FRK: variants seen among roughly 807,000 people sequenced by gnomAD.
The protein encoded by FRK is tyrosine-protein kinase FRK.
FRK carries 51 observed loss-of-function variants against 56.4 expected under a neutral mutation model. That is an observed-to-expected ratio of 0.90 (90% CI 0.72 to 1.14). The LOEUF (loss-of-function observed/expected upper bound fraction) is 1.14. Ranked by LOEUF, FRK falls within the 50% of genes most tolerant of loss-of-function variation. FRK has a pLI of 0.00. For missense variants in FRK, 570 were observed against 601.4 expected (o/e 0.95, Z 0.55); for synonymous variants, 245 against 217.9 (o/e 1.12, Z -1.10).
chr6:116,069,103 A>G, the FRK span, among the ~76,000 whole-genome samples: 21 of 152,326 alleles, frequency 1.4e-4, no homozygotes, highest in Non-Finnish European at 2.6e-4. Flanking sequence ...CAGATAATTC[A>G]TCAATCAAGA....
intron 2 of FRK, among the ~76,000 whole-genome samples, chr6:115,998,641 C>G (rs1247687061): frequency 6.6e-6 from 1 of 152,230 alleles, no homozygotes; most frequent in Non-Finnish European, 1.5e-5. Context: ...CCTCTCTTGT[C>G]TCACAACAAA....
Position 115,968,650 on chromosome 6 carries a change from G to C in FRK, c.556C>G (p.Leu186Val). 2 of 1,613,838 alleles carry C rather than the reference G, an allele frequency of 1.2e-6. No homozygotes were observed. The highest frequency in any genetic ancestry group is 1.7e-6 in the Non-Finnish European group (2 of 1,179,820). Residue 186 changes from leucine (L) to valine (V), a missense_variant, in exon 3 of 8, where the codon CTG becomes GTG. Leu to Val is a conservative substitution (Grantham distance 32). Coordinates refer to ENST00000606080, the MANE Select transcript of FRK (RefSeq NM_002031.3). ...FLTRRRIFSTLNEFVSHYTKT... is the reference protein window; with the variant it reads ...FLTRRRIFSTVNEFVSHYTKT... ...GTGTAGTGGCTCACAAATTCGTTCA[G>C]TGTTGAAAAGATTCTTCTTCGCGTG...
intron 1 of FRK, among the ~76,000 whole-genome samples, chr6:116,026,623 T>G (rs534320708): frequency 5.4e-4 from 80 of 146,940 alleles, no homozygotes; most frequent in Admixed American, 1.2e-3. Flanking sequence ...TTAGGTTTTG[T>G]TTTTTTTTTA....
chr6:115,943,743 C>A (rs978897492), intron 6 of FRK, among the ~76,000 whole-genome samples: 6 of 151,966 alleles, frequency 3.9e-5, no homozygotes, highest in Admixed American at 3.3e-4. Context: ...TTTTAGGGTA[C>A]AATGTGGAAA....
At chr6:116,040,830 T>C (rs933252080) in intron 1 of FRK, among the ~76,000 whole-genome samples, 1 of 152,162 alleles carries the variant, frequency 6.6e-6, no homozygotes, top group Non-Finnish European at 1.5e-5. Flanking sequence ...TTAATTATTA[T>C]GCTTTAGAAC....
intron 1 of FRK, among the ~76,000 whole-genome samples, chr6:116,058,189 C>G (rs1295084787): frequency 6.6e-6 from 1 of 152,180 alleles, no homozygotes; most frequent in East Asian, 1.9e-4. Flanking sequence ...TAATGCCATA[C>G]AGGACATAGA....
the FRK span, among the ~76,000 whole-genome samples, chr6:116,096,711 A>T: frequency 1.3e-5 from 2 of 152,244 alleles, no homozygotes; most frequent in Non-Finnish European, 2.9e-5. Flanking sequence ...AATCAGCAGG[A>T]CGTGTGCAGG....
At chr6:116,038,930 T>G in intron 1 of FRK, 1 of 642,498 alleles carries the variant, frequency 1.6e-6, no homozygotes, top group Non-Finnish European at 3.0e-6. Context: ...AGCCCAAGAT[T>G]GCTGTGGCTG....
chr6:115,944,144 G>T, intron 6 of FRK, 100 bp downstream of exon 6: 1 of 984,544 alleles, frequency 1.0e-6, no homozygotes, highest in Non-Finnish European at 1.5e-6. Context: ...ACAGAACTTG[G>T]AGAAACATTG....
intron 5 of FRK, among the ~76,000 whole-genome samples, chr6:115,948,923 C>T (rs1772583185): frequency 6.6e-6 from 1 of 152,166 alleles, no homozygotes; most frequent in Non-Finnish European, 1.5e-5. Context: ...TACCTAATCT[C>T]TACATACCTG....
chr6:115,977,149 T>C (rs1282916071), intron 2 of FRK, among the ~76,000 whole-genome samples: 1 of 152,140 alleles, frequency 6.6e-6, no homozygotes, highest in African/African-American at 2.4e-5. Flanking sequence ...CACCAATAAG[T>C]GAATAACATT....
upstream of FRK, among the ~76,000 whole-genome samples, chr6:116,065,127 C>A (rs1777737496): frequency 6.6e-6 from 1 of 152,172 alleles, no homozygotes; most frequent in Non-Finnish European, 1.5e-5. Flanking sequence ...CCACAATCCC[C>A]ACTCCTAATA....
At chr6:116,000,630 T>C (rs1366982897) in intron 2 of FRK, among the ~76,000 whole-genome samples, 1 of 152,138 alleles carries the variant, frequency 6.6e-6, no homozygotes, top group Non-Finnish European at 1.5e-5. Context: ...TTGACACTTA[T>C]TGCCAAAGAC....
At chr6:116,017,892 C>T (rs1429607539) in intron 1 of FRK, among the ~76,000 whole-genome samples, 1 of 152,192 alleles carries the variant, frequency 6.6e-6, no homozygotes, top group Non-Finnish European at 1.5e-5. Flanking sequence ...CTGCCTCACA[C>T]TGGACCCCAC....
At chr6:116,023,952 G>C (rs1346637233) in intron 1 of FRK, among the ~76,000 whole-genome samples, 1 of 134,882 alleles carries the variant, frequency 7.4e-6, no homozygotes, top group South Asian at 2.2e-4. Context: ...AGTTACACTT[G>C]AAAATAACTA....
At chr6:115,992,694 T>C (rs1216323881) in intron 2 of FRK, among the ~76,000 whole-genome samples, 5 of 151,868 alleles carry the variant, frequency 3.3e-5, no homozygotes, top group South Asian at 2.1e-4. Flanking sequence ...GTTTAGAAGA[T>C]GGGAAGTGCA....
chr6:115,972,780 A>C (rs1296901481), intron 2 of FRK, among the ~76,000 whole-genome samples: 1 of 152,180 alleles, frequency 6.6e-6, no homozygotes, highest in Non-Finnish European at 1.5e-5. Flanking sequence ...ATGATTTTAC[A>C]TTATTTTGTT....
intron 1 of FRK, among the ~76,000 whole-genome samples, chr6:116,043,513 G>A (rs937330935): frequency 6.6e-6 from 1 of 152,108 alleles, no homozygotes; most frequent in African/African-American, 2.4e-5. Flanking sequence ...AATTAAGGCA[G>A]AAATAAATAA....
At chr6:115,991,941 T>C (rs1175911240) in intron 2 of FRK, among the ~76,000 whole-genome samples, 1 of 151,730 alleles carries the variant, frequency 6.6e-6, no homozygotes, top group South Asian at 2.1e-4. Context: ...TATTACTGAT[T>C]CAGTTTCAGT....
Sources: gnomAD v4.1 joint callset for allele counts (sites outside exome capture counted in the v4.1 genomes callset) on GRCh38, gnomAD v4.1.1 for gene constraint, MANE v1.5 for transcripts, NCBI Gene and HGNC (gene_info 2026-07-23, HGNC 2026-07-21) for gene names.